The following ETV3L variants were observed in gnomAD, a reference collection of about 807,000 sequenced individuals.
The protein encoded by ETV3L is ETS variant transcription factor 3 like, also known as ETS translocation variant 3-like protein.
In ETV3L, 30 loss-of-function variants were observed where a neutral mutation model predicts 27.6. That is an observed-to-expected ratio of 1.09 (90% confidence interval 0.81 to 1.48). The LOEUF is 1.48. Among genes scored for constraint, ETV3L ranks in the 40% most tolerant of loss-of-function variants. ETV3L has a pLI of 0.00. For missense variants in ETV3L, 443 were observed against 455.6 expected (o/e 0.97, Z 0.25); for synonymous variants, 186 against 188.9 (o/e 0.98, Z 0.12).
chr1:157,096,891 C>T (rs1161461423), intron 4 of ETV3L, among the ~76,000 whole-genome samples: 1 of 152,166 alleles, frequency 6.6e-6, no homozygotes, highest in African/African-American at 2.4e-5. Context: ...TGCACTCCAG[C>T]CTGGGCAGCA....
chr1:157,097,131 A>G (rs760238056), intron 4 of ETV3L, among the ~76,000 whole-genome samples: 2 of 151,870 alleles, frequency 1.3e-5, no homozygotes, highest in Admixed American at 6.6e-5. Flanking sequence ...GCAAACTACC[A>G]GCTGTTCTCC....
chr1:157,097,978 C>T lies in ETV3L; in HGVS notation c.497G>A (p.Ser166Asn), dbSNP rs764778692. 3.1e-6 allele frequency: 5 copies of T among 1,609,956 alleles called. No homozygotes were observed. The Admixed American group carries it at 5.0e-5, about 16-fold the overall frequency. ...CATGGCCTGATGGGCAAATAGCATGCTGTGCAGGAGCTGAGGGGTGAGAAG... is the reference window on the plus strand; with the variant it reads ...CATGGCCTGATGGGCAAATAGCATGTTGTGCAGGAGCTGAGGGGTGAGAAG... The part of the protein sequence containing the change: ...PVGVQSELLH[S>N]MLFAHQAMVE... The change falls in exon 4 of 5, where the codon AGC (serine) becomes AAC (asparagine). Residue 166 changes from serine to asparagine, a missense_variant. Physicochemically the swap from Ser to Asn is conservative, Grantham distance 46. Transcript: ENST00000454449.
At chr1:157,093,436 G>A (rs967390436) in intron 4 of ETV3L, among the ~76,000 whole-genome samples, 3 of 151,190 alleles carry the variant, frequency 2.0e-5, no homozygotes, top group African/African-American at 7.3e-5. Context: ...ATTGAGTCTC[G>A]CCATGTTGCC....
In ETV3L at chr1:157,099,214, C is replaced by T; in HGVS notation, c.223G>A (p.Glu75Lys). ...CTGCGGCCCCAGAGGCGGGCCACCT[C>T]ATCTGGATCCTTGATGACAAATTCC... is the stretch of plus-strand genomic sequence containing the variant. Reference protein sequence around the residue: ...YGEFVIKDPDEVARLWGRRKC... With the variant: ...YGEFVIKDPDKVARLWGRRKC... Residue 75 changes from glutamate to lysine, a missense_variant, in exon 2 of 5, where the codon GAG (glutamate) becomes AAG (lysine). Glu to Lys is a moderately conservative substitution (Grantham distance 56). Coordinates refer to ENST00000454449, the MANE Select transcript of ETV3L (RefSeq NM_001004341.2). The T allele has an allele frequency of 6.2e-7, 1 of 1,613,894 alleles. No individual in the cohort carries two copies. Among genetic ancestry groups the T allele is most frequent in the Non-Finnish European group, 8.5e-7 (1 of 1,179,952 alleles).
At chr1:157,095,230 A>G (rs1181890715) in intron 4 of ETV3L, among the ~76,000 whole-genome samples, 1 of 152,082 alleles carries the variant, frequency 6.6e-6, no homozygotes, top group Non-Finnish European at 1.5e-5. Flanking sequence ...CAGGTTCCCA[A>G]CCTTTCCCAG....
At position 157,092,436 on chromosome 1, in the gene ETV3L, G is replaced by C; in HGVS notation, c.*213C>G. The C allele has an allele frequency of 1.8e-6, 1 of 565,020 alleles. No homozygotes were observed. 35.0% of individuals were successfully genotyped at this position (565,020 alleles called of 1,614,324 possible). A position where few individuals can be genotyped will look rare whatever the true frequency, so the allele number is the denominator to read the frequency against. ...TCCCCTTAGTCTGCTTAGCAATATG[G>C]TGAAAGAGGAGGGGCACCCTGTCTT... On this transcript the variant is annotated 3_prime_UTR_variant, in exon 5 of 5. Coordinates refer to ENST00000454449, the MANE Select transcript of ETV3L (RefSeq NM_001004341.2).
chr1:157,092,756 T>A lies in ETV3L; in HGVS notation c.979A>T (p.Arg327Trp), dbSNP rs143323113. The change falls in exon 5 of 5, where the codon AGG becomes TGG. Residue 327 changes from arginine to tryptophan, a missense_variant. Coordinates refer to ENST00000454449, the MANE Select transcript of ETV3L (RefSeq NM_001004341.2). Reference protein sequence around the residue: ...MMEAKGGLDPREVFCPETRRL... With the variant: ...MMEAKGGLDPWEVFCPETRRL... ...CGGGTCTCTGGGCAGAAGACCTCCC[T>A]GGGATCCAGGCCTCCCTTTGCCTCC... 10 of 1,614,142 alleles carry A rather than the reference T, an allele frequency of 6.2e-6. No individual in the cohort carries two copies. The highest frequency in any genetic ancestry group is 8.5e-6 in the Non-Finnish European group (10 of 1,180,008).
Position 157,097,874 on chromosome 1 carries a change from C to T in ETV3L, c.601G>A (p.Val201Ile), listed in dbSNP as rs202076672. The T allele has an allele frequency of 1.4e-4, 224 of 1,612,564 alleles. No homozygotes were observed. The highest frequency in any genetic ancestry group is 5.6e-4 in the Middle Eastern group (3 of 5,370). ...CCCAGCCTTGAGCACTCACGGTAGA[C>T]GCTGCTGCTGCTCCCCTTCTTATCC... ...SGDKKGSSSS[V>I]YRLGSAPGPC... is the part of the protein sequence containing the mutation. The change falls in exon 4 of 5, where the codon GTC becomes ATC. Residue 201 changes from valine (V) to isoleucine (I), a missense_variant. Val to Ile is a conservative substitution (Grantham distance 29, BLOSUM62 3). Transcript: ENST00000454449.
intron 4 of ETV3L, among the ~76,000 whole-genome samples, chr1:157,096,985 C>T (rs947495438): frequency 1.3e-5 from 2 of 152,088 alleles, no homozygotes; most frequent in African/African-American, 4.8e-5. Flanking sequence ...CCAGTCCCTC[C>T]TGCCCACAGG....
rs374533520 is a variant in ETV3L at position 157,099,290 on chromosome 1, C to T, written c.147G>A (p.Leu49=). ...TGACATGGCGGAACTCTTCCTTCTG[C>T]AGCAGCTCCAGGATGAAGTGCCACA... ...IQLWHFILEL[L]QKEEFRHVIA... is the part of the protein sequence containing the mutation. Residue 49 remains leucine (L), a synonymous_variant, in exon 2 of 5, where the codon CTG becomes CTA. Coordinates refer to ENST00000454449, the MANE Select transcript of ETV3L (RefSeq NM_001004341.2). 2 of 1,614,068 alleles carry T rather than the reference C, an allele frequency of 1.2e-6. No homozygotes were observed. The highest frequency in any genetic ancestry group is 2.7e-5 in the African/African-American group (2 of 74,928).
In ETV3L at chr1:157,098,745, C is replaced by G. The variant is rs769453836; in HGVS notation, c.447G>C (p.Leu149=). The G allele has an allele frequency of 1.2e-6, 2 of 1,612,246 alleles. No individual in the cohort carries two copies. The highest frequency in any genetic ancestry group is 2.2e-5 in the South Asian group (2 of 90,744). ...CCACGGGCACCAGCGCTGGCCGACA[C>G]AGGGCAGGGGCCCCCAGCAGCAAGT... ...SPHLLLGAPA[L]CRPALVPVGV... The change falls in exon 3 of 5, where the codon CTG becomes CTC. Residue 149 remains leucine, a synonymous_variant. Transcript: ENST00000454449.
chr1:157,095,361 T>C (rs535270818), intron 4 of ETV3L, among the ~76,000 whole-genome samples: 33 of 152,142 alleles, frequency 2.2e-4, no homozygotes, highest in Non-Finnish European at 4.3e-4. Flanking sequence ...CACAGGCTTC[T>C]GGAATCTCAA....
chr1:157,095,077 T>C (rs1674194436), intron 4 of ETV3L, among the ~76,000 whole-genome samples: 1 of 152,118 alleles, frequency 6.6e-6, no homozygotes, highest in South Asian at 2.1e-4. Context: ...CAGAACACCC[T>C]CTCTCTGGGT....
chr1:157,095,088 C>T (rs999454006), intron 4 of ETV3L, among the ~76,000 whole-genome samples: 2 of 152,144 alleles, frequency 1.3e-5, no homozygotes, highest in Non-Finnish European at 2.9e-5. Context: ...CTCTCTGGGT[C>T]ATTGTCCTTT....
At chr1:157,098,943 TAG>T in intron 2 of ETV3L, 48 bp from the exon 3 acceptor site, 1 of 1,561,218 alleles carries the variant, frequency 6.4e-7, no homozygotes, top group Non-Finnish European at 8.7e-7. Context: ...AGTCAGAGAA[TAG>T]AGTCAGGGAC....
At position 157,099,302 on chromosome 1, in the gene ETV3L, G is replaced by T; in HGVS notation, c.135C>A (p.Ile45=). The stretch of plus-strand genomic sequence containing the variant: ...ACTCTTCCTTCTGCAGCAGCTCCAG[G>T]ATGAAGTGCCACAGCTGGATCTGCC... The part of the protein sequence containing the change: ...GSRQIQLWHF[I]LELLQKEEFR... Residue 45 remains isoleucine, a synonymous_variant, in exon 2 of 5, where the codon ATC becomes ATA. Coordinates refer to ENST00000454449, the MANE Select transcript of ETV3L (RefSeq NM_001004341.2). The T allele has an allele frequency of 6.2e-7, 1 of 1,614,196 alleles. No individual in the cohort carries two copies.
Position 157,098,721 on chromosome 1 carries a change from C to T in ETV3L, c.471G>A (p.Val157=). Reference sequence around the variant, plus strand: ...CCGCTCTTACCTCACTCTGCACACCCACGGGCACCAGCGCTGGCCGACACA... The same window carrying T: ...CCGCTCTTACCTCACTCTGCACACCTACGGGCACCAGCGCTGGCCGACACA... ...PALCRPALVP[V]GVQSELLHSM... The change falls in exon 3 of 5, where the codon GTG becomes GTA. Residue 157 remains valine, a synonymous_variant. Transcript: ENST00000454449. The T allele has an allele frequency of 6.2e-7, 1 of 1,605,338 alleles. No individual in the cohort carries two copies. Among genetic ancestry groups the T allele is most frequent in the South Asian group, 1.1e-5 (1 of 89,538 alleles).
rs148831733 is a variant in ETV3L, at chr1:157,097,867, C to T, written c.607+1G>A. On this transcript the variant is annotated splice_donor_variant, in intron 4 of 4. Transcript: ENST00000454449. LOFTEE classifies it high-confidence loss of function. The stretch of plus-strand genomic sequence containing the variant: ...GGGCCCTCCCAGCCTTGAGCACTCA[C>T]GGTAGACGCTGCTGCTGCTCCCCTT... 2.4e-4 allele frequency: 390 copies of T among 1,612,162 alleles called. 1 individual carries two copies. The highest frequency in any genetic ancestry group is 1.0e-3 in the African/African-American group (78 of 74,922).
At chr1:157,097,701 A>AC (rs1162803629) in intron 4 of ETV3L, among the ~76,000 whole-genome samples, 167 bp downstream of exon 4, 1 of 151,812 alleles carries the variant, frequency 6.6e-6, no homozygotes. Context: ...TCATCTCTGA[A>AC]CCCCCGCACT....
Sources: gnomAD v4.1 joint callset for allele counts (sites outside exome capture counted in the v4.1 genomes callset) on GRCh38, gnomAD v4.1.1 for gene constraint, MANE v1.5 for transcripts, NCBI Gene and HGNC (gene_info 2026-07-23, HGNC 2026-07-21) for gene names.